Variants in GTF2F2 observed in about 807,000 individuals in gnomAD.
The protein encoded by GTF2F2 is general transcription factor IIF subunit 2, also known as ATP-dependent helicase GTF2F2.
A neutral mutation model predicts 42.2 loss-of-function variants in GTF2F2; 23 were observed. That is an observed-to-expected ratio of 0.55 (90% CI 0.39 to 0.77). The LOEUF (loss-of-function observed/expected upper bound fraction) is 0.77. Ranked by LOEUF, GTF2F2 falls within the 30% of genes least tolerant of loss-of-function variation. The pLI, the probability that GTF2F2 is intolerant of heterozygous loss-of-function variation, is 0.00. For missense variants in GTF2F2, 261 were observed against 287.2 expected, an observed-to-expected ratio of 0.91 and a Z score of 0.66; for synonymous variants, 105 against 100.8, an observed-to-expected ratio of 1.04 and a Z score of -0.25.
rs551823576 is a variant in GTF2F2 at position 45,193,990 on chromosome 13, A to G, written c.305-13434A>G. ...CTTTATGAAGTATTTAAATTGGATG[A>G]TATTTGACGATATTGAAAACTCCTC... On this transcript the variant is annotated intron_variant, in intron 4 of 7. Coordinates refer to ENST00000340473, the MANE Select transcript of GTF2F2 (RefSeq NM_004128.3). 30 of 1,613,998 alleles carry G rather than the reference A, an allele frequency of 1.9e-5. No individual in the cohort carries two copies. The East Asian group carries it at 6.7e-4, about 36-fold the overall frequency.
In GTF2F2 at chr13:45,283,749, C is replaced by T. The variant is rs1235973321; in HGVS notation, c.*188C>T. On this transcript the variant is annotated 3_prime_UTR_variant, in exon 8 of 8. Transcript: ENST00000340473. ...TAACTGTTTTTTTGAGGAGAAAGAA[C>T]AGATTTATTTATAGACTTAACTTGT... is the stretch of plus-strand genomic sequence containing the variant. 8.8e-6 allele frequency: 3 copies of T among 340,520 alleles called. No individual in the cohort carries two copies. Among genetic ancestry groups the T allele is most frequent in the Non-Finnish European group, 1.6e-5 (3 of 188,050 alleles). 21.1% of individuals were successfully genotyped at this position (340,520 alleles called of 1,614,324 possible).
At chr13:45,191,224 A>AAAATATATATATATATATATAT in intron 4 of GTF2F2, among the ~76,000 whole-genome samples, 6 of 75,308 alleles carry the variant, frequency 8.0e-5, no homozygotes, top group African/African-American at 2.0e-4. Context: ...ACAAAAAAAA[A>AAAATATATATATATATATATAT]ATATATATAT....
At chr13:45,227,019 G>A (rs952476508) in intron 5 of GTF2F2, among the ~76,000 whole-genome samples, 21 of 152,262 alleles carry the variant, frequency 1.4e-4, no homozygotes, top group African/African-American at 5.1e-4. Context: ...GAGATCTCTT[G>A]AACCTGGAAG....
intron 7 of GTF2F2, among the ~76,000 whole-genome samples, chr13:45,272,446 A>C (rs1352731838): frequency 2.8e-5 from 4 of 140,940 alleles, no homozygotes; most frequent in African/African-American, 8.7e-5. Context: ...AAAAACAAAA[A>C]AAAAAAACAG....
At chr13:45,224,039 AAG>A (rs1392116124) in intron 5 of GTF2F2, among the ~76,000 whole-genome samples, 7 of 152,314 alleles carry the variant, frequency 4.6e-5, no homozygotes, top group African/African-American at 1.4e-4. Context: ...ATACTTCATG[AAG>A]AGTTTGTTGA....
intron 1 of GTF2F2, among the ~76,000 whole-genome samples, chr13:45,134,133 G>A (rs1409313875): frequency 6.6e-6 from 1 of 152,148 alleles, no homozygotes; most frequent in Non-Finnish European, 1.5e-5. Flanking sequence ...TGACATTGTT[G>A]CAGAATCTTG....
chr13:45,212,493 T>TTCTTTCTTTCTTTC (rs1566137188), intron 5 of GTF2F2, among the ~76,000 whole-genome samples: 20 of 117,390 alleles, frequency 1.7e-4, no homozygotes, highest in African/African-American at 6.1e-4. Flanking sequence ...CTTTCTTTCT[T>TTCTTTCTTTCTTTC]TCTTTCTTTC....
intron 2 of GTF2F2, 64 bp downstream of exon 2, chr13:45,136,870 T>C: frequency 1.2e-6 from 1 of 853,198 alleles, no homozygotes. Context: ...TAAGTGCTTT[T>C]AAAAGTGATT....
intron 1 of GTF2F2, among the ~76,000 whole-genome samples, chr13:45,125,457 C>T (rs547314174): frequency 1.3e-5 from 2 of 152,072 alleles, no homozygotes; most frequent in Non-Finnish European, 1.5e-5. Context: ...GTAGCTGGGG[C>T]TACAGGCGCG....
chr13:45,178,865 T>C (rs1022741322), intron 4 of GTF2F2, among the ~76,000 whole-genome samples: 1 of 152,180 alleles, frequency 6.6e-6, no homozygotes, highest in Non-Finnish European at 1.5e-5. Flanking sequence ...GAGTTACTCA[T>C]GCATCTGCAT....
chr13:45,203,836 A>G (rs1330427907), intron 4 of GTF2F2, among the ~76,000 whole-genome samples: 3 of 152,198 alleles, frequency 2.0e-5, no homozygotes, highest in African/African-American at 7.2e-5. Context: ...GTAGAGGTGT[A>G]TCAAAAGTGC....
intron 2 of GTF2F2, among the ~76,000 whole-genome samples, chr13:45,142,165 A>T (rs573975810): frequency 6.6e-6 from 1 of 152,268 alleles, no homozygotes; most frequent in Admixed American, 6.5e-5. Flanking sequence ...AAGAAAAAGT[A>T]AGCCCACCAT....
intron 1 of GTF2F2, among the ~76,000 whole-genome samples, chr13:45,121,393 A>G (rs1208094020): frequency 6.6e-6 from 1 of 152,250 alleles, no homozygotes; most frequent in African/African-American, 2.4e-5. Context: ...GGGGAGTTTC[A>G]TAATACTTAA....
At chr13:45,273,778 C>T (rs1876906667) in intron 7 of GTF2F2, among the ~76,000 whole-genome samples, 1 of 151,558 alleles carries the variant, frequency 6.6e-6, no homozygotes, top group African/African-American at 2.4e-5. Flanking sequence ...CCTCAGCCTC[C>T]TGAGTAGCTG....
chr13:45,148,129 C>G (rs950955225), intron 2 of GTF2F2, among the ~76,000 whole-genome samples: 1 of 152,142 alleles, frequency 6.6e-6, no homozygotes, highest in African/African-American at 2.4e-5. Context: ...ATTAACTGAG[C>G]TAGTGAATGA....
chr13:45,146,698 C>G (rs988352416), intron 2 of GTF2F2, among the ~76,000 whole-genome samples: 4 of 151,914 alleles, frequency 2.6e-5, no homozygotes, highest in Admixed American at 6.6e-5. Flanking sequence ...GGAATGAGAC[C>G]GGAATCTAAA....
Position 45,185,978 on chromosome 13 carries a change from G to GT in GTF2F2, c.305-21435dup, listed in dbSNP as rs796784449. On this transcript the variant is annotated intron_variant, in intron 4 of 7. Coordinates refer to ENST00000340473, the MANE Select transcript of GTF2F2 (RefSeq NM_004128.3). ...TATCTTCATTCATATTTTTAACATG[G>GT]TTTTTTTTTTTCTTGAGGCAGAATC... is the stretch of plus-strand genomic sequence containing the variant. 6.8e-3 allele frequency among the ~76,000 whole-genome samples: 1,009 copies of GT among 147,662 alleles called. 4 individuals carry two copies. The highest frequency in any genetic ancestry group is 0.022 in the African/African-American group (873 of 40,568).
At chr13:45,262,181 C>T (rs972657109) in intron 6 of GTF2F2, among the ~76,000 whole-genome samples, 3 of 152,012 alleles carry the variant, frequency 2.0e-5, no homozygotes, top group Admixed American at 6.6e-5. Flanking sequence ...AGACCAACCT[C>T]GGCAGTATAG....
chr13:45,283,520 C>G lies in GTF2F2; in HGVS notation c.709C>G (p.Pro237Ala). The G allele has an allele frequency of 6.2e-7, 1 of 1,612,774 alleles. No individual in the cohort carries two copies. Among genetic ancestry groups the G allele is most frequent in the Non-Finnish European group, 8.5e-7 (1 of 1,179,138 alleles). ...GIHKNTWELK[P>A]EYRHYQGEEK... ...CCACAAAAACACATGGGAGCTGAAG[C>G]CAGAGTACAGACACTATCAAGGAGA... Residue 237 changes from proline to alanine, a missense_variant, in exon 8 of 8, where the codon CCA becomes GCA. Transcript: ENST00000340473.
Sources: gnomAD v4.1 joint callset for allele counts (sites outside exome capture counted in the v4.1 genomes callset) on GRCh38, gnomAD v4.1.1 for gene constraint, MANE v1.5 for transcripts, NCBI Gene and HGNC (gene_info 2026-07-23, HGNC 2026-07-21) for gene names.